Variants in KLHL14 observed in about 807,000 individuals in gnomAD.
KLHL14 encodes the protein kelch like family member 14.
A neutral mutation model predicts 64.3 loss-of-function variants in KLHL14; 22 were observed. That is an observed-to-expected ratio of 0.34 (90% CI 0.24 to 0.49). KLHL14 has a LOEUF of 0.49. KLHL14 is among the 20% of genes least tolerant of loss of function. KLHL14 has a pLI of 0.99. For missense variants in KLHL14, 661 were observed against 789.0 expected (o/e 0.84, Z 1.94); for synonymous variants, 322 against 333.4 (o/e 0.97, Z 0.37).
chr18:32,757,564 A>T (rs1242659122), intron 2 of KLHL14, among the ~76,000 whole-genome samples: 1 of 152,202 alleles, frequency 6.6e-6, no homozygotes, highest in Non-Finnish European at 1.5e-5. Flanking sequence ...CTTATCAGTT[A>T]TCATGTCTTG....
chr18:32,725,020 CT>C (rs33924704), intron 3 of KLHL14, among the ~76,000 whole-genome samples: 103 of 145,968 alleles, frequency 7.1e-4, no homozygotes, highest in Middle Eastern at 3.6e-3. Context: ...CCTCCCTTCC[CT>C]TTTTTTTTTT....
intron 2 of KLHL14, among the ~76,000 whole-genome samples, chr18:32,760,140 T>C (rs1395035093): frequency 6.6e-6 from 1 of 152,158 alleles, no homozygotes; most frequent in Non-Finnish European, 1.5e-5. Flanking sequence ...TATGACTATT[T>C]TCTTTCTGGT....
At chr18:32,724,675 A>C (rs2050098260) in intron 3 of KLHL14, among the ~76,000 whole-genome samples, 1 of 152,210 alleles carries the variant, frequency 6.6e-6, no homozygotes, top group Non-Finnish European at 1.5e-5. Context: ...TGTGTATAGA[A>C]GTTCTTCGTC....
At chr18:32,772,608 C>T (rs561292032) in intron 1 of KLHL14, 59 bp downstream of exon 1, 4 of 152,898 alleles carry the variant, frequency 2.6e-5, no homozygotes, top group African/African-American at 9.7e-5. Flanking sequence ...CTTCCCCCTC[C>T]AACAATCCAA....
At chr18:32,730,743 T>C (rs1023831257) in intron 3 of KLHL14, among the ~76,000 whole-genome samples, 1 of 152,212 alleles carries the variant, frequency 6.6e-6, no homozygotes, top group African/African-American at 2.4e-5. Context: ...TGAAAGTGCT[T>C]TGCGGTTCTC....
At chr18:32,754,990 G>A (rs557158265) in intron 2 of KLHL14, among the ~76,000 whole-genome samples, 2 of 151,274 alleles carry the variant, frequency 1.3e-5, no homozygotes, top group African/African-American at 4.9e-5. Context: ...AGGCCCTGGC[G>A]GGTGTGTGTG....
At chr18:32,767,302 G>T (rs879790470) in intron 2 of KLHL14, among the ~76,000 whole-genome samples, 5 of 152,056 alleles carry the variant, frequency 3.3e-5, no homozygotes, top group Non-Finnish European at 7.4e-5. Flanking sequence ...GGTTATTTTG[G>T]CATTCTTCCT....
intron 2 of KLHL14, among the ~76,000 whole-genome samples, chr18:32,766,775 G>A (rs2050348026): frequency 6.6e-6 from 1 of 151,950 alleles, no homozygotes; most frequent in Non-Finnish European, 1.5e-5. Flanking sequence ...AGCAACAAGA[G>A]GGAACATTTT....
chr18:32,692,698 G>A (rs964993514), intron 4 of KLHL14, among the ~76,000 whole-genome samples: 3 of 152,150 alleles, frequency 2.0e-5, no homozygotes, highest in South Asian at 4.1e-4. Context: ...ATATGTTTAC[G>A]TGAAACACAG....
intron 3 of KLHL14, among the ~76,000 whole-genome samples, chr18:32,707,607 G>C (rs2049996766): frequency 6.6e-6 from 1 of 152,182 alleles, no homozygotes; most frequent in Non-Finnish European, 1.5e-5. Flanking sequence ...GTGTGTTCTA[G>C]AAGATGTGTA....
chr18:32,746,820 C>T (rs753780043), intron 2 of KLHL14, among the ~76,000 whole-genome samples: 1 of 152,128 alleles, frequency 6.6e-6, no homozygotes, highest in East Asian at 1.9e-4. Flanking sequence ...AATTCCCAGG[C>T]CCTAGCAAGT....
intron 2 of KLHL14, among the ~76,000 whole-genome samples, chr18:32,758,115 T>C (rs1282365070): frequency 6.6e-6 from 1 of 151,990 alleles, no homozygotes. Context: ...ATCTTTTTGT[T>C]GTTTTTTTTT....
intron 3 of KLHL14, chr18:32,738,344 T>A: frequency 6.6e-6 from 1 of 152,198 alleles, no homozygotes; most frequent in Admixed American, 6.5e-5. Flanking sequence ...TTAGTATTCA[T>A]GTCTCCTGTA....
chr18:32,690,574 C>T (rs557309286), intron 4 of KLHL14, among the ~76,000 whole-genome samples: 1 of 152,142 alleles, frequency 6.6e-6, no homozygotes. Context: ...ACTAAAAATA[C>T]AAAAATTAGC....
intron 2 of KLHL14, among the ~76,000 whole-genome samples, chr18:32,763,466 G>T (rs1020683713): frequency 5.3e-5 from 8 of 152,272 alleles, no homozygotes; most frequent in Middle Eastern, 3.4e-3. Context: ...TAATGGCAGG[G>T]TTATTTCCCT....
chr18:32,707,523 GTACCTAAA>G (rs1472323956), intron 3 of KLHL14, among the ~76,000 whole-genome samples: 1 of 152,206 alleles, frequency 6.6e-6, no homozygotes, highest in Non-Finnish European at 1.5e-5. Context: ...GTAGCTCTCT[GTACCTAAA>G]TTGTTGGTAT....
intron 3 of KLHL14, among the ~76,000 whole-genome samples, chr18:32,730,897 T>C (rs188524514): frequency 2.1e-4 from 32 of 152,294 alleles, no homozygotes; most frequent in Admixed American, 3.3e-4. Context: ...GGATTAATAA[T>C]TAGAACACGC....
At chr18:32,688,417 G>T (rs2049890480) in intron 4 of KLHL14, among the ~76,000 whole-genome samples, 1 of 152,210 alleles carries the variant, frequency 6.6e-6, no homozygotes, top group Admixed American at 6.5e-5. Context: ...GAAAGATGTA[G>T]TCTGTATCCT....
intron 3 of KLHL14, among the ~76,000 whole-genome samples, chr18:32,739,584 G>A (rs1158030747): frequency 2.0e-5 from 3 of 151,944 alleles, no homozygotes; most frequent in Non-Finnish European, 4.4e-5. Context: ...CCATAAGTAT[G>A]TCTGAGTATT....
Sources: gnomAD v4.1 joint callset for allele counts (sites outside exome capture counted in the v4.1 genomes callset) on GRCh38, gnomAD v4.1.1 for gene constraint, MANE v1.5 for transcripts, NCBI Gene and HGNC (gene_info 2026-07-23, HGNC 2026-07-21) for gene names.